STT3B: variants seen among roughly 807,000 people sequenced by gnomAD.
The protein encoded by STT3B is STT3 oligosaccharyltransferase complex catalytic subunit B, also known as dolichyl-diphosphooligosaccharide--protein glycosyltransferase subunit STT3B.
In STT3B, 29 loss-of-function variants were observed where a neutral mutation model predicts 96.8. The observed-to-expected ratio is 0.30, with a 90% confidence interval of 0.22 to 0.41. The LOEUF is 0.41. Ranked by LOEUF, STT3B falls within the 10% of genes least tolerant of loss-of-function variation. STT3B has a pLI of 1.00. For synonymous variants in STT3B, 367 were observed against 360.0 expected (o/e 1.02, Z -0.22); for missense variants, 640 against 1,022.3 (o/e 0.63, Z 5.10).
intron 2 of STT3B, among the ~76,000 whole-genome samples, chr3:31,578,576 G>A (rs1478094276): frequency 6.6e-6 from 1 of 150,572 alleles, no homozygotes; most frequent in Non-Finnish European, 1.5e-5. Flanking sequence ...TTCCCCCCCA[G>A]TATTGCTGAC....
intron 5 of STT3B, among the ~76,000 whole-genome samples, chr3:31,609,576 T>G (rs1699137205): frequency 6.6e-6 from 1 of 152,040 alleles, no homozygotes; most frequent in East Asian, 1.9e-4. Context: ...TTGCTGAGTT[T>G]GTTTTTTTGT....
At chr3:31,627,256 T>G (rs1163011910) in intron 13 of STT3B, among the ~76,000 whole-genome samples, 1 of 152,084 alleles carries the variant, frequency 6.6e-6, no homozygotes, top group Non-Finnish European at 1.5e-5. Flanking sequence ...CAGCATTAGA[T>G]TTTCATAGGA....
At chr3:31,570,808 C>T (rs1309545453) in intron 1 of STT3B, among the ~76,000 whole-genome samples, 1 of 151,950 alleles carries the variant, frequency 6.6e-6, no homozygotes. Context: ...GTGGAAAACA[C>T]GGATGTAAGG....
At chr3:31,610,390 T>C (rs1699156786) in intron 5 of STT3B, among the ~76,000 whole-genome samples, 1 of 152,204 alleles carries the variant, frequency 6.6e-6, no homozygotes, top group Non-Finnish European at 1.5e-5. Flanking sequence ...TTAATGGGAA[T>C]ATAGTATTTG....
At chr3:31,624,186 ATCACAC>A (rs1559391326) in intron 11 of STT3B, among the ~76,000 whole-genome samples, 1 of 152,052 alleles carries the variant, frequency 6.6e-6, no homozygotes, top group Non-Finnish European at 1.5e-5. Context: ...TTTGACTGTA[ATCACAC>A]TGTGGTGTTC....
chr3:31,621,053 G>A (rs114880299), intron 9 of STT3B, among the ~76,000 whole-genome samples: 1 of 152,320 alleles, frequency 6.6e-6, no homozygotes, highest in African/African-American at 2.4e-5. Flanking sequence ...GTTTAAGAAT[G>A]CATTAGTAAT....
chr3:31,578,569 C>T (rs1368182820), intron 2 of STT3B, among the ~76,000 whole-genome samples: 1 of 149,984 alleles, frequency 6.7e-6, no homozygotes, highest in Non-Finnish European at 1.5e-5. Flanking sequence ...TTTTTTTTTC[C>T]CCCCCAGTAT....
chr3:31,625,085 G>A lies in STT3B; in HGVS notation c.1899G>A (p.Leu633=). ...CCTGGAATAACAGCCACATAGCACT[G>A]GTAAGGATTTACTAAATACAAGGTT... ...NNTWNNSHIA[L]VGKAMSSNET... is the part of the protein sequence containing the mutation. The change falls in exon 12 of 16, where the codon CTG becomes CTA. Residue 633 remains leucine (L), a splice_region_variant and synonymous_variant. Coordinates refer to ENST00000295770, the MANE Select transcript of STT3B (RefSeq NM_178862.3). 6.2e-7 allele frequency: 1 copy of A among 1,607,046 alleles called. No individual in the cohort carries two copies.
chr3:31,604,463 G>A (rs1472962666), intron 5 of STT3B, among the ~76,000 whole-genome samples: 2 of 151,828 alleles, frequency 1.3e-5, no homozygotes, highest in Non-Finnish European at 2.9e-5. Context: ...AAAAGTTCCC[G>A]GATACAAGGG....
intron 7 of STT3B, 111 bp downstream of exon 7, chr3:31,617,186 C>CTTTTTT (rs5847707): frequency 4.0e-6 from 2 of 495,358 alleles, no homozygotes; most frequent in South Asian, 7.2e-5. Flanking sequence ...TGATTTTTTT[C>CTTTTTT]TTTTTTTTTT....
chr3:31,537,479 T>A (rs1170589635), intron 1 of STT3B, among the ~76,000 whole-genome samples: 1 of 152,194 alleles, frequency 6.6e-6, no homozygotes, highest in East Asian at 1.9e-4. Flanking sequence ...TTAAATTGTA[T>A]GAATTTATGA....
At chr3:31,588,026 G>GAAAACTTACTATTT (rs1698583148) in intron 3 of STT3B, among the ~76,000 whole-genome samples, 1 of 152,064 alleles carries the variant, frequency 6.6e-6, no homozygotes, top group African/African-American at 2.4e-5. Flanking sequence ...ATAAGCCTAA[G>GAAAACTTACTATTT]AAAACTTACT....
chr3:31,595,018 CT>C (rs1420116476), intron 3 of STT3B, among the ~76,000 whole-genome samples: 1 of 152,078 alleles, frequency 6.6e-6, no homozygotes, highest in Non-Finnish European at 1.5e-5. Flanking sequence ...TTTATGGAGA[CT>C]TTATTGGTTG....
chr3:31,625,933 A>T (rs1699527842), intron 12 of STT3B, 21 bp from the exon 13 acceptor site: 6 of 1,533,756 alleles, frequency 3.9e-6, no homozygotes, highest in Admixed American at 4.2e-5. Flanking sequence ...AAACATTCTC[A>T]TTTTTTTTTA....
At chr3:31,571,481 C>G (rs1341997075) in intron 1 of STT3B, among the ~76,000 whole-genome samples, 1 of 152,098 alleles carries the variant, frequency 6.6e-6, no homozygotes, top group African/African-American at 2.4e-5. Context: ...ATCTTCTACT[C>G]ACAGCACATG....
chr3:31,609,042 G>C (rs2125468268), intron 5 of STT3B, among the ~76,000 whole-genome samples: 1 of 152,246 alleles, frequency 6.6e-6, no homozygotes, highest in South Asian at 2.1e-4. Context: ...TTGAACCTGG[G>C]AGGCGGAGGT....
intron 1 of STT3B, among the ~76,000 whole-genome samples, chr3:31,542,491 A>T (rs1697302264): frequency 6.6e-6 from 1 of 152,212 alleles, no homozygotes. Context: ...AGAAAAATTT[A>T]AATCTAGGAC....
intron 8 of STT3B, among the ~76,000 whole-genome samples, chr3:31,618,422 CTG>C (rs1396113435): frequency 1.3e-5 from 2 of 148,830 alleles, no homozygotes; most frequent in South Asian, 2.1e-4. Flanking sequence ...TTTTTTAAAT[CTG>C]TGAAACACAA....
At position 31,568,475 on chromosome 3, in the gene STT3B, A is replaced by T. The variant is rs530830501; in HGVS notation, c.315-7921A>T. Among the ~76,000 whole-genome samples, 7 of 152,320 alleles carry T rather than the reference A, an allele frequency of 4.6e-5. No individual in the cohort carries two copies. In the East Asian group the frequency reaches 1.4e-3, roughly 29 times the overall value. On this transcript the variant is annotated intron_variant, in intron 1 of 15. Coordinates refer to ENST00000295770, the MANE Select transcript of STT3B (RefSeq NM_178862.3). ...GGCTGTGCTAATTTACATTTCCACCAACAGTATAGGACTGTTCCCCCTTCC... is the reference window on the plus strand; with the variant it reads ...GGCTGTGCTAATTTACATTTCCACCTACAGTATAGGACTGTTCCCCCTTCC...
Sources: allele counts gnomAD v4.1 joint callset (sites outside exome capture counted in the v4.1 genomes callset), GRCh38; gene constraint gnomAD v4.1.1; transcripts MANE v1.5; gene names NCBI Gene and HGNC (gene_info 2026-07-23, HGNC 2026-07-21).